The following ANO1 variants were observed in gnomAD, a reference collection of about 807,000 sequenced individuals.
ANO1 encodes the protein anoctamin-1.
A neutral mutation model predicts 124.0 loss-of-function variants in ANO1; 59 were observed. That is an observed-to-expected ratio of 0.48 (90% CI 0.39 to 0.59). The LOEUF (loss-of-function observed/expected upper bound fraction) is 0.59. Ranked by LOEUF, ANO1 falls within the 20% of genes least tolerant of loss-of-function variation. ANO1 has a pLI of 0.00. For synonymous variants in ANO1, 529 were observed against 532.0 expected (o/e 0.99, Z 0.08); for missense variants, 1,059 against 1,328.0 (o/e 0.80, Z 3.15).
intron 1 of ANO1, among the ~76,000 whole-genome samples, chr11:70,016,070 C>T (rs1856698070): frequency 6.6e-6 from 1 of 151,596 alleles, no homozygotes; most frequent in Admixed American, 6.6e-5. Context: ...CTCTGTTGCC[C>T]AGGCTGGAGT....
At chr11:70,125,687 A>G (rs1353554041) in intron 9 of ANO1, among the ~76,000 whole-genome samples, 2 of 144,564 alleles carry the variant, frequency 1.4e-5, no homozygotes, top group Non-Finnish European at 3.0e-5. Flanking sequence ...TACTAAAAAT[A>G]CAAAAAATTA....
At position 70,177,606 on chromosome 11, in the gene ANO1, T is replaced by C. The variant is rs553764752; in HGVS notation, c.2351-2398T>C. Reference sequence around the variant, plus strand: ...TTCTTTTTTTTTTCTTTTTTTTTTTTTTTTTTTTTTTGAGACAGAGCCTCG... The same window carrying C: ...TTCTTTTTTTTTTCTTTTTTTTTTTCTTTTTTTTTTTGAGACAGAGCCTCG... On this transcript the variant is annotated intron_variant, in intron 22 of 25. Coordinates refer to ENST00000355303, the MANE Select transcript of ANO1 (RefSeq NM_018043.7). Among the ~76,000 whole-genome samples, 170 of 139,438 alleles carry C rather than the reference T, an allele frequency of 1.2e-3. 3 individuals carry two copies. The highest frequency in any genetic ancestry group is 5.1e-3 in the Admixed American group (71 of 14,042). The allele number at this position is 139,438 out of a possible 152,430, so 91.5% of individuals were successfully genotyped here.
rs1035573804 is a variant in ANO1 at position 70,163,511 on chromosome 11, T to C, written c.1950+171T>C. Reference sequence around the variant, plus strand: ...TCCCCTGATGTGGTGGGGTGGGCTTTAATCTTATCTGGTGTGTTCATATAG... The same window carrying C: ...TCCCCTGATGTGGTGGGGTGGGCTTCAATCTTATCTGGTGTGTTCATATAG... On this transcript the variant is annotated intron_variant, in intron 19 of 25. Transcript: ENST00000355303. The C allele has an allele frequency of 6.6e-6, 5 of 761,108 alleles. No individual in the cohort carries two copies. In the Admixed American group the frequency reaches 1.0e-4, roughly 16 times the overall value. The allele number at this position is 761,108 out of a possible 1,614,324, so 47.1% of individuals were successfully genotyped here.
At position 70,105,926 on chromosome 11, in the gene ANO1, AAGGGAGAGGGCAACG is replaced by A. The variant is rs994289372; in HGVS notation, c.747+143_747+157del. On this transcript the variant is annotated intron_variant, in intron 5 of 25. Transcript: ENST00000355303. ...GTGACAGAAATAATTAGAATAATGA[AAGGGAGAGGGCAACG>A]AGGGGCCCAGGGGATGGTCGTGCCC... The A allele has an allele frequency of 9.3e-6, 9 of 968,256 alleles. No homozygotes were observed. The African/African-American group carries it at 1.5e-4, about 16-fold the overall frequency. The allele number at this position is 968,256 out of a possible 1,614,324, so 60.0% of individuals were successfully genotyped here.
chr11:69,995,065 T>G (rs183015313), intron 1 of ANO1, among the ~76,000 whole-genome samples: 42 of 151,746 alleles, frequency 2.8e-4, no homozygotes, highest in Non-Finnish European at 4.7e-4. Context: ...GGTATATGTA[T>G]CACCACTAAT....
At chr11:69,969,477 T>C in the ANO1 span, among the ~76,000 whole-genome samples, 1 of 152,172 alleles carries the variant, frequency 6.6e-6, no homozygotes. Flanking sequence ...ATGTTCACGG[T>C]CTGACGCTGG....
At chr11:70,117,342 A>G (rs1303664697) in intron 8 of ANO1, among the ~76,000 whole-genome samples, 1 of 151,898 alleles carries the variant, frequency 6.6e-6, no homozygotes, top group Non-Finnish European at 1.5e-5. Context: ...AAGTGCTGGG[A>G]TTACAAGCGT....
At chr11:70,040,948 A>G (rs1005069869) in intron 1 of ANO1, among the ~76,000 whole-genome samples, 4 of 152,214 alleles carry the variant, frequency 2.6e-5, no homozygotes, top group African/African-American at 9.6e-5. Context: ...CTTTCTAAGC[A>G]TCATAGCTCG....
chr11:70,131,562 A>G (rs2046760566), intron 10 of ANO1, among the ~76,000 whole-genome samples: 1 of 152,200 alleles, frequency 6.6e-6, no homozygotes, highest in South Asian at 2.1e-4. Flanking sequence ...CCCTGACCTC[A>G]GGTGATCCGC....
intron 1 of ANO1, among the ~76,000 whole-genome samples, chr11:70,079,009 G>A (rs2044121806): frequency 1.3e-5 from 2 of 152,108 alleles, no homozygotes. Flanking sequence ...CCCCGAAGCC[G>A]CCTCACCCGG....
At chr11:69,998,568 T>C (rs1413860307) in intron 1 of ANO1, among the ~76,000 whole-genome samples, 2 of 152,200 alleles carry the variant, frequency 1.3e-5, no homozygotes, top group Non-Finnish European at 2.9e-5. Context: ...AAGGAAGAAA[T>C]ATTTTTATGG....
intron 11 of ANO1, among the ~76,000 whole-genome samples, chr11:70,142,368 G>A (rs996462077): frequency 1.3e-5 from 2 of 152,144 alleles, no homozygotes; most frequent in African/African-American, 4.8e-5. Flanking sequence ...AGCTAGGTGG[G>A]GACGAAGGGG....
intron 11 of ANO1, among the ~76,000 whole-genome samples, chr11:70,142,332 A>T (rs1177399491): frequency 6.6e-6 from 1 of 152,164 alleles, no homozygotes; most frequent in Non-Finnish European, 1.5e-5. Context: ...CATGGAGTTG[A>T]CAAGTCACCC....
chr11:70,031,031 G>C (rs904932573), intron 1 of ANO1, among the ~76,000 whole-genome samples: 3 of 152,212 alleles, frequency 2.0e-5, no homozygotes, highest in African/African-American at 7.2e-5. Flanking sequence ...TGCAACCTCT[G>C]CCTCCTGGGT....
chr11:69,977,751 C>CG, the ANO1 span, among the ~76,000 whole-genome samples: 1 of 152,208 alleles, frequency 6.6e-6, no homozygotes, highest in African/African-American at 2.4e-5. Flanking sequence ...ACTGCAGCCC[C>CG]GAGGCTTTGT....
chr11:70,069,906 G>T (rs191719690), intron 1 of ANO1, among the ~76,000 whole-genome samples: 6 of 152,244 alleles, frequency 3.9e-5, no homozygotes, highest in African/African-American at 1.4e-4. Context: ...ACCCTTTGGG[G>T]ATGAGTTGTC....
chr11:70,078,257 C>T (rs2135161150), upstream of ANO1: 1 of 153,380 alleles, frequency 6.5e-6, no homozygotes, highest in Admixed American at 6.5e-5. Context: ...GGCGCGGCCA[C>T]CGCCCCTGCC....
intron 24 of ANO1, among the ~76,000 whole-genome samples, chr11:70,183,465 T>TC (rs1400690261): frequency 6.6e-6 from 1 of 152,172 alleles, no homozygotes; most frequent in Non-Finnish European, 1.5e-5. Flanking sequence ...AGGGGGGCTC[T>TC]CCTTGGCTTG....
chr11:70,007,864 T>C (rs1358350499), intron 1 of ANO1, among the ~76,000 whole-genome samples: 1 of 152,224 alleles, frequency 6.6e-6, no homozygotes, highest in African/African-American at 2.4e-5. Context: ...CCACCTCTAG[T>C]ACACAAATGT....
Sources: allele counts gnomAD v4.1 joint callset (sites outside exome capture counted in the v4.1 genomes callset), GRCh38; gene constraint gnomAD v4.1.1; transcripts MANE v1.5; gene names NCBI Gene and HGNC (gene_info 2026-07-23, HGNC 2026-07-21).